Variants in GALNT1 observed in about 807,000 individuals in gnomAD.
The protein encoded by GALNT1 is polypeptide N-acetylgalactosaminyltransferase 1.
A neutral mutation model predicts 65.7 loss-of-function variants in GALNT1; 17 were observed. The observed-to-expected ratio is 0.26, with a 90% CI of 0.18 to 0.39. GALNT1 has a LOEUF of 0.39. Ranked by LOEUF, GALNT1 falls within the 10% of genes least tolerant of loss-of-function variation. GALNT1 has a pLI of 1.00. For synonymous variants in GALNT1, 210 were observed against 219.7 expected (o/e 0.96, Z 0.39); for missense variants, 460 against 672.8 (o/e 0.68, Z 3.50).
At chr18:35,640,208 T>A (rs999813731) in intron 1 of GALNT1, among the ~76,000 whole-genome samples, 1 of 152,220 alleles carries the variant, frequency 6.6e-6, no homozygotes, top group African/African-American at 2.4e-5. Flanking sequence ...CCCTTTAAGA[T>A]CAGGAATAAA....
In GALNT1 at chr18:35,614,281, G is replaced by C. The variant is rs142513673; in HGVS notation, c.-104+32419G>C. Reference sequence around the variant, plus strand: ...CAAAGGGTTTATTCCAGGAAGGCGAGCTTGGTTCTGCATTAGAAGGACTAT... The same window carrying C: ...CAAAGGGTTTATTCCAGGAAGGCGACCTTGGTTCTGCATTAGAAGGACTAT... On this transcript the variant is annotated intron_variant, in intron 1 of 11. Transcript: ENST00000269195. Among the ~76,000 whole-genome samples, 523 of 152,224 alleles carry C rather than the reference G, an allele frequency of 3.4e-3. 7 individuals carry two copies. Among genetic ancestry groups the C allele is most frequent in the African/African-American group, 0.012 (500 of 41,522 alleles).
intron 8 of GALNT1, among the ~76,000 whole-genome samples, chr18:35,691,631 T>C (rs1235942970): frequency 6.6e-6 from 1 of 152,230 alleles, no homozygotes; most frequent in Non-Finnish European, 1.5e-5. Flanking sequence ...AATGCTGTCA[T>C]AGGAGGCTTT....
chr18:35,692,631 G>T (rs1424929471), intron 9 of GALNT1, among the ~76,000 whole-genome samples: 2 of 151,370 alleles, frequency 1.3e-5, no homozygotes, highest in Admixed American at 6.6e-5. Context: ...CTGCAATTGT[G>T]GATCTGTAAA....
chr18:35,684,117 C>G (rs772639744), intron 5 of GALNT1, among the ~76,000 whole-genome samples: 11 of 152,196 alleles, frequency 7.2e-5, no homozygotes, highest in Non-Finnish European at 1.2e-4. Flanking sequence ...TCATGTTACA[C>G]ATTTTTCAAA....
At chr18:35,675,702 T>TTTTA (rs1159208686) in intron 3 of GALNT1, among the ~76,000 whole-genome samples, 3 of 152,216 alleles carry the variant, frequency 2.0e-5, no homozygotes, top group Non-Finnish European at 4.4e-5. Context: ...TTTTATTTTA[T>TTTTA]TTTGGTAAGG....
chr18:35,621,120 G>C (rs1047771921), intron 1 of GALNT1, among the ~76,000 whole-genome samples: 2 of 151,614 alleles, frequency 1.3e-5, no homozygotes, highest in Non-Finnish European at 2.9e-5. Flanking sequence ...CTTTGTCTAT[G>C]ATTTGCCCGT....
chr18:35,584,942 G>A (rs1351624807), intron 1 of GALNT1, among the ~76,000 whole-genome samples: 3 of 152,190 alleles, frequency 2.0e-5, no homozygotes, highest in East Asian at 1.9e-4. Flanking sequence ...TGTATGGAGC[G>A]ATTAATGTGT....
intron 3 of GALNT1, among the ~76,000 whole-genome samples, chr18:35,675,204 A>C (rs1051176004): frequency 6.6e-6 from 1 of 152,126 alleles, no homozygotes; most frequent in Non-Finnish European, 1.5e-5. Context: ...CTAGAATGCT[A>C]AAGGGCTCTT....
At chr18:35,638,711 C>T (rs753504609) in intron 1 of GALNT1, among the ~76,000 whole-genome samples, 1 of 152,204 alleles carries the variant, frequency 6.6e-6, no homozygotes, top group Non-Finnish European at 1.5e-5. Context: ...AGTGACCAAT[C>T]TCCTACACAT....
intron 1 of GALNT1, among the ~76,000 whole-genome samples, chr18:35,583,933 C>T (rs1312432992): frequency 2.0e-5 from 3 of 152,222 alleles, no homozygotes; most frequent in Non-Finnish European, 1.5e-5. Context: ...CTGAATCACA[C>T]ATTAGTGCTT....
intron 1 of GALNT1, among the ~76,000 whole-genome samples, chr18:35,636,791 T>TG (rs1568020886): frequency 6.8e-6 from 1 of 146,256 alleles, no homozygotes; most frequent in Non-Finnish European, 1.5e-5. Flanking sequence ...TTGTTTTTTT[T>TG]TTTTTTTTTT....
intron 1 of GALNT1, among the ~76,000 whole-genome samples, chr18:35,601,222 T>G (rs553500344): frequency 3.9e-4 from 59 of 152,170 alleles, no homozygotes; most frequent in African/African-American, 1.4e-3. Flanking sequence ...GTTTTCCAAT[T>G]TTTTGGTGTA....
chr18:35,699,775 A>AT (rs1555650164), intron 9 of GALNT1, among the ~76,000 whole-genome samples: 20 of 151,952 alleles, frequency 1.3e-4, no homozygotes, highest in African/African-American at 4.8e-4. Flanking sequence ...CTGTTTTAAA[A>AT]TTTTTTCAAA....
At chr18:35,650,237 C>T (rs939897589) in intron 1 of GALNT1, among the ~76,000 whole-genome samples, 2 of 151,240 alleles carry the variant, frequency 1.3e-5, no homozygotes, top group African/African-American at 4.8e-5. Context: ...GTGATGCCCC[C>T]GAGCCGTAAA....
intron 3 of GALNT1, among the ~76,000 whole-genome samples, chr18:35,671,417 C>T (rs904551015): frequency 2.0e-5 from 3 of 152,122 alleles, no homozygotes; most frequent in Admixed American, 6.5e-5. Context: ...GGGGGTCTCA[C>T]GCCACGTTGC....
At chr18:35,705,193 C>G (rs557748774) in intron 11 of GALNT1, among the ~76,000 whole-genome samples, 15 of 152,320 alleles carry the variant, frequency 9.8e-5, no homozygotes, top group Non-Finnish European at 1.8e-4. Context: ...CTTATACTTT[C>G]CTAGTTCACA....
At chr18:35,695,165 A>T (rs2048034117) in intron 9 of GALNT1, among the ~76,000 whole-genome samples, 1 of 149,942 alleles carries the variant, frequency 6.7e-6, no homozygotes, top group Admixed American at 6.7e-5. Context: ...ATTTTATGTT[A>T]TGTGTTTCTG....
chr18:35,594,210 T>C (rs2046477808), intron 1 of GALNT1, among the ~76,000 whole-genome samples: 1 of 152,032 alleles, frequency 6.6e-6, no homozygotes, highest in South Asian at 2.1e-4. Context: ...AGAGGAGTTA[T>C]TTGTGGAGCA....
At chr18:35,695,021 C>T (rs1356526753) in intron 9 of GALNT1, among the ~76,000 whole-genome samples, 1 of 151,994 alleles carries the variant, frequency 6.6e-6, no homozygotes, top group African/African-American at 2.4e-5. Flanking sequence ...GAGGGAAGGG[C>T]CTAAAGAAGA....
Sources: gnomAD v4.1 joint callset for allele counts (sites outside exome capture counted in the v4.1 genomes callset) on GRCh38, gnomAD v4.1.1 for gene constraint, MANE v1.5 for transcripts, NCBI Gene and HGNC (gene_info 2026-07-23, HGNC 2026-07-21) for gene names.